Variants in FSTL4 observed in about 807,000 individuals in gnomAD.
The protein encoded by FSTL4 is follistatin like 4.
FSTL4 carries 28 observed loss-of-function variants against 78.2 expected under a neutral mutation model. The observed-to-expected ratio is 0.36, with a 90% CI of 0.27 to 0.49. The LOEUF is 0.49. FSTL4 is among the 20% of genes least tolerant of loss of function. The pLI is 0.98. For missense variants in FSTL4, 922 were observed against 1,084.9 expected (o/e 0.85, Z 2.11); for synonymous variants, 422 against 440.5 (o/e 0.96, Z 0.53).
At chr5:133,320,695 TTCC>T (rs1375001492) in intron 4 of FSTL4, among the ~76,000 whole-genome samples, 1 of 152,128 alleles carries the variant, frequency 6.6e-6, no homozygotes, top group Non-Finnish European at 1.5e-5. Flanking sequence ...TTTTCTGATC[TTCC>T]TCCTATTCTT....
chr5:133,612,659 G>T (rs1761126820), upstream of FSTL4: 1 of 151,762 alleles, frequency 6.6e-6, no homozygotes, highest in Non-Finnish European at 1.5e-5. The surrounding 1 kb of genome is among the most constrained non-coding windows in gnomAD (Gnocchi z 6.2). Flanking sequence ...CACGGCAGGT[G>T]CGCGGAGCAG....
chr5:133,556,624 G>A (rs13183083), intron 3 of FSTL4, among the ~76,000 whole-genome samples: 1 of 152,142 alleles, frequency 6.6e-6, no homozygotes, highest in Admixed American at 6.5e-5. Context: ...TTACTCTGGA[G>A]GCTGAGGAAA....
At chr5:133,597,904 G>A (rs1760770923) in intron 2 of FSTL4, among the ~76,000 whole-genome samples, 1 of 152,076 alleles carries the variant, frequency 6.6e-6, no homozygotes, top group Non-Finnish European at 1.5e-5. Flanking sequence ...AGGGGGTGTG[G>A]GCTAAGCCTC....
intron 3 of FSTL4, among the ~76,000 whole-genome samples, chr5:133,493,633 C>G (rs1758314079): frequency 6.6e-6 from 1 of 152,186 alleles, no homozygotes; most frequent in Non-Finnish European, 1.5e-5. Flanking sequence ...TGCCACTAGC[C>G]CTGAGGTGGC....
At chr5:133,785,091 G>C in the FSTL4 span, among the ~76,000 whole-genome samples, 1 of 152,100 alleles carries the variant, frequency 6.6e-6, no homozygotes, top group Non-Finnish European at 1.5e-5. Context: ...CTCCCGACAG[G>C]GCACACCCAA....
chr5:133,711,973 A>G, the FSTL4 span, among the ~76,000 whole-genome samples: 1 of 152,132 alleles, frequency 6.6e-6, no homozygotes, highest in South Asian at 2.1e-4. Flanking sequence ...CAGCTCAGAG[A>G]GGTGACATAA....
At chr5:133,554,348 A>G (rs1330143231) in intron 3 of FSTL4, among the ~76,000 whole-genome samples, 3 of 152,180 alleles carry the variant, frequency 2.0e-5, no homozygotes, top group African/African-American at 7.2e-5. Context: ...TGCGGGTAGC[A>G]TGTTTCTCGC....
the FSTL4 span, among the ~76,000 whole-genome samples, chr5:133,634,207 G>C: frequency 7.1e-4 from 108 of 152,306 alleles, no homozygotes; most frequent in Middle Eastern, 0.017. Context: ...CATTGTTGCA[G>C]CCTGGCAAGT....
At chr5:133,598,471 T>C (rs76889844) in intron 2 of FSTL4, among the ~76,000 whole-genome samples, 1,748 of 152,068 alleles carry the variant, frequency 0.011, 32 homozygotes, top group African/African-American at 0.04. Flanking sequence ...CCTGAGACCT[T>C]GGGAGGTTCT....
In FSTL4 at chr5:133,455,970, C is replaced by T. The variant is rs76073560; in HGVS notation, c.161-54984G>A. ...AGGCTCCTGGAGGTCTGACAGTCGCCGAATACTTCTAGGTTCCCAGCTCTC... is the reference window on the plus strand; with the variant it reads ...AGGCTCCTGGAGGTCTGACAGTCGCTGAATACTTCTAGGTTCCCAGCTCTC... On this transcript the variant is annotated intron_variant, in intron 3 of 15. Transcript: ENST00000265342. 1.1e-3 allele frequency among the ~76,000 whole-genome samples: 167 copies of T among 152,312 alleles called. 1 individual carries two copies. Among genetic ancestry groups the T allele is most frequent in the African/African-American group, 3.8e-3 (158 of 41,568 alleles).
chr5:133,838,498 T>C, the FSTL4 span, among the ~76,000 whole-genome samples: 1 of 152,164 alleles, frequency 6.6e-6, no homozygotes, highest in African/African-American at 2.4e-5. Context: ...TCCCATGAGG[T>C]TGCAATCAGA....
chr5:133,765,446 T>A, the FSTL4 span, among the ~76,000 whole-genome samples: 2 of 152,050 alleles, frequency 1.3e-5, no homozygotes, highest in African/African-American at 2.4e-5. Flanking sequence ...GGGGCAGACA[T>A]TCAAAAAACC....
At chr5:133,469,357 C>G (rs1757773665) in intron 3 of FSTL4, among the ~76,000 whole-genome samples, 1 of 152,210 alleles carries the variant, frequency 6.6e-6, no homozygotes, top group African/African-American at 2.4e-5. Flanking sequence ...GAGAAGAGAA[C>G]AGTCCAAGAG....
chr5:133,510,950 T>C (rs972333519), intron 3 of FSTL4, among the ~76,000 whole-genome samples: 16 of 152,212 alleles, frequency 1.1e-4, no homozygotes, highest in African/African-American at 3.9e-4. Flanking sequence ...GCTCTCGGGC[T>C]GGCCCCTGTT....
chr5:133,786,165 T>G, the FSTL4 span, among the ~76,000 whole-genome samples: 2 of 152,200 alleles, frequency 1.3e-5, no homozygotes, highest in Admixed American at 1.3e-4. Flanking sequence ...ACTTTCCAAG[T>G]GGCCTTTTCC....
chr5:133,485,061 A>C (rs2112862091), intron 3 of FSTL4, among the ~76,000 whole-genome samples: 1 of 152,344 alleles, frequency 6.6e-6, no homozygotes, highest in South Asian at 2.1e-4. Context: ...TTAAAACATT[A>C]ATATTACCCT....
At chr5:133,261,184 A>C (rs886768437) in intron 6 of FSTL4, among the ~76,000 whole-genome samples, 1 of 152,146 alleles carries the variant, frequency 6.6e-6, no homozygotes, top group Non-Finnish European at 1.5e-5. Flanking sequence ...AGAAGGCCCC[A>C]CTGCATGTTT....
At chr5:133,561,043 C>T (rs1453698148) in intron 3 of FSTL4, among the ~76,000 whole-genome samples, 1 of 150,446 alleles carries the variant, frequency 6.6e-6, no homozygotes, top group African/African-American at 2.4e-5. Flanking sequence ...GAGCCGAGAT[C>T]GCACCACTGC....
chr5:133,547,270 A>G (rs1759598325), intron 3 of FSTL4, among the ~76,000 whole-genome samples: 1 of 152,036 alleles, frequency 6.6e-6, no homozygotes. Context: ...GGAAATGTCT[A>G]TCTTATACCT....
Sources: allele counts gnomAD v4.1 joint callset (sites outside exome capture counted in the v4.1 genomes callset), GRCh38; gene constraint gnomAD v4.1.1; non-coding constraint Gnocchi (gnomAD v3.1); transcripts MANE v1.5; gene names NCBI Gene and HGNC (gene_info 2026-07-23, HGNC 2026-07-21).